The following TRPC4AP variants were observed in gnomAD, a reference collection of about 807,000 sequenced individuals.
The protein encoded by TRPC4AP is transient receptor potential cation channel subfamily C member 4 associated protein.
A neutral mutation model predicts 99.0 loss-of-function variants in TRPC4AP; 45 were observed. The observed-to-expected ratio is 0.45, with a 90% CI of 0.36 to 0.58. TRPC4AP has a LOEUF of 0.58. TRPC4AP is among the 20% of genes least tolerant of loss of function. TRPC4AP has a pLI of 0.00. For missense variants in TRPC4AP, 879 were observed against 985.3 expected (o/e 0.89, Z 1.44); for synonymous variants, 408 against 385.8 (o/e 1.06, Z -0.67).
intron 5 of TRPC4AP, among the ~76,000 whole-genome samples, chr20:35,053,215 G>A (rs1446032579): frequency 6.6e-6 from 1 of 152,018 alleles, no homozygotes; most frequent in Non-Finnish European, 1.5e-5. Context: ...TTCTCTTCTA[G>A]CTATTTTGAA....
intron 10 of TRPC4AP, 151 bp from the exon 11 acceptor site, chr20:35,013,217 T>C (rs2082677394): frequency 1.5e-6 from 1 of 674,196 alleles, no homozygotes. Flanking sequence ...ATCTGTTCAC[T>C]TCCACATCTG....
chr20:35,064,477 T>C (rs2084088904), intron 3 of TRPC4AP, among the ~76,000 whole-genome samples: 1 of 152,264 alleles, frequency 6.6e-6, no homozygotes. Flanking sequence ...TGTGACACTA[T>C]AATTCAACAT....
intron 5 of TRPC4AP, among the ~76,000 whole-genome samples, chr20:35,052,308 G>C (rs2083723363): frequency 6.6e-6 from 1 of 151,900 alleles, no homozygotes; most frequent in Non-Finnish European, 1.5e-5. Flanking sequence ...TGCCCAGGCT[G>C]GTCTTGAACT....
intron 7 of TRPC4AP, among the ~76,000 whole-genome samples, chr20:35,035,512 C>CA (rs770792235): frequency 1.2e-4 from 19 of 152,158 alleles, no homozygotes; most frequent in Non-Finnish European, 2.1e-4. Flanking sequence ...TACAGGGAAA[C>CA]AGGCTTTTTA....
chr20:35,051,741 CAGAACAAAAAG>C (rs1288253770), intron 5 of TRPC4AP, among the ~76,000 whole-genome samples: 1 of 151,654 alleles, frequency 6.6e-6, no homozygotes, highest in Non-Finnish European at 1.5e-5. Context: ...TCCAAAGAAA[CAGAACAAAAAG>C]AGAACTAAAT....
chr20:35,087,484 A>G (rs560944608), intron 1 of TRPC4AP, among the ~76,000 whole-genome samples: 1 of 152,298 alleles, frequency 6.6e-6, no homozygotes, highest in South Asian at 2.1e-4. Context: ...GTCTGTCACC[A>G]GATTGCCAAA....
At chr20:35,086,148 G>A (rs1471909690) in intron 1 of TRPC4AP, among the ~76,000 whole-genome samples, 1 of 151,592 alleles carries the variant, frequency 6.6e-6, no homozygotes, top group Non-Finnish European at 1.5e-5. Flanking sequence ...AGTAAAGATG[G>A]AGTTTCACCC....
intron 3 of TRPC4AP, among the ~76,000 whole-genome samples, chr20:35,061,577 T>C (rs530566602): frequency 6.6e-6 from 1 of 152,320 alleles, no homozygotes; most frequent in South Asian, 2.1e-4. Flanking sequence ...GATCAGTTGA[T>C]TTTTGACAAG....
chr20:35,008,866 T>A, intron 12 of TRPC4AP, 119 bp from the exon 13 acceptor site: 3 of 888,282 alleles, frequency 3.4e-6, no homozygotes, highest in Non-Finnish European at 5.3e-6. Flanking sequence ...GTCTGCAGGA[T>A]GCCTTCCTGC....
rs555350994 is a variant in TRPC4AP, at chr20:35,059,797, G to A, written c.415-2226C>T. ...AGACAAAGAAGATGAAGAAGAAGGC[G>A]AAGACGAAGACAAAGATGAAGACGA... On this transcript the variant is annotated intron_variant, in intron 3 of 18. Transcript: ENST00000252015. Among the ~76,000 whole-genome samples the A allele has an allele frequency of 4.6e-5, 7 of 151,916 alleles. No individual in the cohort carries two copies. The East Asian group carries it at 9.7e-4, about 21-fold the overall frequency.
chr20:35,057,400 A>C, intron 4 of TRPC4AP, 114 bp downstream of exon 4: 2 of 807,736 alleles, frequency 2.5e-6, no homozygotes, highest in Non-Finnish European at 4.1e-6. Flanking sequence ...GCTAAATGTA[A>C]GACATGTCCT....
At chr20:35,082,589 C>A (rs1309519713) in intron 1 of TRPC4AP, among the ~76,000 whole-genome samples, 1 of 152,162 alleles carries the variant, frequency 6.6e-6, no homozygotes. Context: ...CATTATAACC[C>A]TGATACCAAA....
At chr20:35,018,174 T>C (rs2082796313) in intron 9 of TRPC4AP, among the ~76,000 whole-genome samples, 1 of 152,134 alleles carries the variant, frequency 6.6e-6, no homozygotes, top group Admixed American at 6.6e-5. Flanking sequence ...AGATTAGGGG[T>C]GAGTCACACA....
intron 5 of TRPC4AP, among the ~76,000 whole-genome samples, chr20:35,051,952 G>A (rs1447825177): frequency 2.6e-5 from 4 of 152,030 alleles, no homozygotes; most frequent in Non-Finnish European, 5.9e-5. Context: ...CCACCCAAAA[G>A]GCCATCACAA....
intron 3 of TRPC4AP, among the ~76,000 whole-genome samples, chr20:35,063,511 A>C (rs1176446495): frequency 6.6e-6 from 1 of 152,268 alleles, no homozygotes; most frequent in Non-Finnish European, 1.5e-5. Context: ...ATCACTGCAC[A>C]ATACTGATGG....
chr20:35,069,212 C>G, intron 3 of TRPC4AP, 84 bp downstream of exon 3: 1 of 765,338 alleles, frequency 1.3e-6, no homozygotes, highest in Non-Finnish European at 2.2e-6. Flanking sequence ...ATTCTGAAAT[C>G]TTTCCTATCT....
chr20:35,057,583 A>G lies in TRPC4AP; in HGVS notation c.415-12T>C, dbSNP rs1032680793. ...ATTTCTACAAGAAGCTATAAAAAAA[A>G]TTAGATAAAATCTTCAAAATTAATT... On this transcript the variant is annotated splice_polypyrimidine_tract_variant and intron_variant, in intron 3 of 18. Coordinates refer to ENST00000252015, the MANE Select transcript of TRPC4AP (RefSeq NM_015638.3). 6.3e-7 allele frequency: 1 copy of G among 1,597,816 alleles called. No individual in the cohort carries two copies. The highest frequency in any genetic ancestry group is 1.3e-5 in the African/African-American group (1 of 74,470).
intron 3 of TRPC4AP, among the ~76,000 whole-genome samples, chr20:35,058,423 A>G (rs1463456628): frequency 6.6e-6 from 1 of 152,228 alleles, no homozygotes; most frequent in African/African-American, 2.4e-5. Flanking sequence ...ACAAGCCTCA[A>G]TAAATTTAAA....
intron 7 of TRPC4AP, among the ~76,000 whole-genome samples, chr20:35,043,776 GTCTC>G (rs1183325523): frequency 2.0e-5 from 3 of 152,274 alleles, no homozygotes; most frequent in South Asian, 2.1e-4. Context: ...TACGAATGTG[GTCTC>G]TCTCTGGAAT....
Sources: gnomAD v4.1 joint callset for allele counts (sites outside exome capture counted in the v4.1 genomes callset) on GRCh38, gnomAD v4.1.1 for gene constraint, MANE v1.5 for transcripts, NCBI Gene and HGNC (gene_info 2026-07-23, HGNC 2026-07-21) for gene names.